Variants in JMJD1C observed in about 807,000 individuals in gnomAD.
JMJD1C encodes the protein jumonji domain containing 1C, also known as jumonji domain-containing protein 1C.
Under a neutral mutation model 245.3 loss-of-function variants are expected in JMJD1C, and 31 were observed. The observed-to-expected ratio is 0.13, with a 90% CI of 0.09 to 0.17. The LOEUF (loss-of-function observed/expected upper bound fraction) is 0.17, where lower values mean the gene tolerates loss of function less well. JMJD1C is among the 10% of genes least tolerant of loss of function. The probability of loss-of-function intolerance (pLI) is 1.00; values close to 1 mark genes in which losing one functional copy is unlikely to be tolerated. For synonymous variants in JMJD1C, 1,057 were observed against 1,017.4 expected (o/e 1.04, Z -0.74); for missense variants, 2,691 against 3,000.2 (o/e 0.90, Z 2.41).
At chr10:63,317,099 A>C (rs1358521034) in intron 2 of JMJD1C, among the ~76,000 whole-genome samples, 1 of 152,068 alleles carries the variant, frequency 6.6e-6, no homozygotes, top group Non-Finnish European at 1.5e-5. Context: ...ACCTCAAGTG[A>C]TCCACCTACC....
intron 3 of JMJD1C, among the ~76,000 whole-genome samples, chr10:63,227,762 GATTGAAC>G (rs1849481330): frequency 6.6e-6 from 1 of 152,172 alleles, no homozygotes; most frequent in African/African-American, 2.4e-5. Flanking sequence ...CAGATTAGGT[GATTGAAC>G]ATGTTTTGCC....
intron 2 of JMJD1C, among the ~76,000 whole-genome samples, chr10:63,316,300 G>A (rs886349034): frequency 1.3e-5 from 2 of 152,170 alleles, no homozygotes; most frequent in Non-Finnish European, 2.9e-5. Flanking sequence ...CTGTTTTTCC[G>A]AAAGTAATGT....
At chr10:63,291,815 T>C (rs1326555155) in intron 2 of JMJD1C, among the ~76,000 whole-genome samples, 1 of 152,172 alleles carries the variant, frequency 6.6e-6, no homozygotes, top group Non-Finnish European at 1.5e-5. Context: ...CTAGTCTCTA[T>C]AATAAAGCTG....
At chr10:63,171,444 C>T (rs1842348232) in intron 24 of JMJD1C, among the ~76,000 whole-genome samples, 1 of 152,232 alleles carries the variant, frequency 6.6e-6, no homozygotes, top group Non-Finnish European at 1.5e-5. Flanking sequence ...GAACAGACAG[C>T]CCACTCTTCT....
At position 63,214,478 on chromosome 10, in the gene JMJD1C, C is replaced by A. The variant is rs750255083; in HGVS notation, c.1689G>T (p.Gln563His). ...FLETAKKDSD[Q>H]SWVSDVVKVD... ...CTTTAACTACATCACTGACCCAGCT[C>A]TGGTCAGAATCTTTTTTTGCTGTTT... The change falls in exon 8 of 26, where the codon CAG becomes CAT. Residue 563 changes from glutamine to histidine, a missense_variant. Coordinates refer to ENST00000399262, the MANE Select transcript of JMJD1C (RefSeq NM_032776.3). 1 of 1,613,986 alleles carries A rather than the reference C, an allele frequency of 6.2e-7. No homozygotes were observed. Among genetic ancestry groups the A allele is most frequent in the Non-Finnish European group, 8.5e-7 (1 of 1,179,982 alleles).
chr10:63,224,302 AT>A (rs1411507820), intron 3 of JMJD1C, among the ~76,000 whole-genome samples: 1 of 152,092 alleles, frequency 6.6e-6, no homozygotes, highest in Non-Finnish European at 1.5e-5. Context: ...TTTTAATAAG[AT>A]TTTTTCTTAT....
rs574218648 is a variant in JMJD1C at position 63,431,927 on chromosome 10, G to A, written c.168+33568C>T. Among the ~76,000 whole-genome samples, 7 of 152,302 alleles carry A rather than the reference G, an allele frequency of 4.6e-5. No individual in the cohort carries two copies. In the South Asian group the frequency reaches 8.3e-4, roughly 18 times the overall value. On this transcript the variant is annotated intron_variant, in intron 1 of 25. Transcript: ENST00000399262. ...ATCGGGAGGCTGAGGCAGGACAATC[G>A]CTTGAACCCAGGGGACAGGGGTTGC... is the stretch of plus-strand genomic sequence containing the variant.
At chr10:63,398,177 C>T (rs1948621749) in intron 1 of JMJD1C, among the ~76,000 whole-genome samples, 1 of 152,078 alleles carries the variant, frequency 6.6e-6, no homozygotes, top group Non-Finnish European at 1.5e-5. Flanking sequence ...CTTGTTTTTA[C>T]AGTTTGTTCA....
chr10:63,417,674 T>C (rs2132711990), intron 1 of JMJD1C, among the ~76,000 whole-genome samples: 1 of 152,312 alleles, frequency 6.6e-6, no homozygotes. Flanking sequence ...ACTGTCTCTG[T>C]GATTATGCTA....
At chr10:63,366,602 G>A (rs1279394723) in intron 2 of JMJD1C, among the ~76,000 whole-genome samples, 1 of 152,164 alleles carries the variant, frequency 6.6e-6, no homozygotes, top group East Asian at 1.9e-4. Flanking sequence ...AAGAATGAGG[G>A]ATGACAAACC....
intron 22 of JMJD1C, among the ~76,000 whole-genome samples, chr10:63,178,432 G>A (rs1229177014): frequency 6.6e-6 from 1 of 152,178 alleles, no homozygotes. Context: ...TTCCAAGGGG[G>A]TGGTCCTAAC....
At chr10:63,179,783 G>GAA (rs146298979) in intron 22 of JMJD1C, among the ~76,000 whole-genome samples, 5 of 132,942 alleles carry the variant, frequency 3.8e-5, no homozygotes, top group African/African-American at 1.5e-4. Context: ...CTTTAAAAAA[G>GAA]AAAAAAAAAA....
At chr10:63,418,906 G>C (rs7913528) in intron 1 of JMJD1C, among the ~76,000 whole-genome samples, 2,925 of 151,246 alleles carry the variant, frequency 0.019, 95 homozygotes, top group African/African-American at 0.065. Context: ...GTGAAACTCT[G>C]TCTGTACCAA....
At chr10:63,418,611 G>C (rs1337325899) in intron 1 of JMJD1C, among the ~76,000 whole-genome samples, 1 of 152,160 alleles carries the variant, frequency 6.6e-6, no homozygotes, top group African/African-American at 2.4e-5. Flanking sequence ...ACATTATCAG[G>C]TGCTGAGTTA....
At chr10:63,172,049 T>C (rs1564545570) in intron 24 of JMJD1C, among the ~76,000 whole-genome samples, 2 of 152,230 alleles carry the variant, frequency 1.3e-5, no homozygotes, top group African/African-American at 2.4e-5. Flanking sequence ...AGAGGAAAGG[T>C]AGCAATTCCC....
intron 12 of JMJD1C, 104 bp from the exon 13 acceptor site, chr10:63,197,667 A>C: frequency 9.7e-7 from 1 of 1,031,234 alleles, no homozygotes; most frequent in South Asian, 1.9e-5. Context: ...CAAACCAAGA[A>C]CTTTCAAGGC....
chr10:63,305,106 C>T (rs947487416), intron 2 of JMJD1C, among the ~76,000 whole-genome samples: 8 of 151,986 alleles, frequency 5.3e-5, no homozygotes, highest in African/African-American at 1.9e-4. Flanking sequence ...TGGTGGCTCA[C>T]ACCTGTAATC....
At chr10:63,451,484 A>G (rs1952065083) in intron 1 of JMJD1C, among the ~76,000 whole-genome samples, 5 of 152,198 alleles carry the variant, frequency 3.3e-5, no homozygotes, top group Admixed American at 3.3e-4. Flanking sequence ...GATCAAAAAT[A>G]TTCAGAAAAA....
chr10:63,427,603 G>A, intron 1 of JMJD1C: 6 of 1,405,426 alleles, frequency 4.3e-6, no homozygotes, highest in Non-Finnish European at 6.0e-6. Context: ...CATCAACCAT[G>A]CCCGGCTGAT....
Sources: gnomAD v4.1 joint callset for allele counts (sites outside exome capture counted in the v4.1 genomes callset) on GRCh38, gnomAD v4.1.1 for gene constraint, MANE v1.5 for transcripts, NCBI Gene and HGNC (gene_info 2026-07-23, HGNC 2026-07-21) for gene names.